EYS: variants seen among roughly 807,000 people sequenced by gnomAD.
EYS encodes protein eyes shut homolog.
A neutral mutation model predicts 282.1 loss-of-function variants in EYS; 250 were observed. That is an observed-to-expected ratio of 0.89 (90% CI 0.80 to 0.98). The LOEUF (loss-of-function observed/expected upper bound fraction) is 0.98, where lower values mean the gene tolerates loss of function less well. Ranked by LOEUF, EYS falls within the 50% of genes least tolerant of loss-of-function variation. The pLI is 0.00. For missense variants in EYS, 4,016 were observed against 3,709.0 expected, an observed-to-expected ratio of 1.08 and a Z score of -2.15; for synonymous variants, 1,355 against 1,282.9, an observed-to-expected ratio of 1.06 and a Z score of -1.20.
At chr6:65,146,801 C>A (rs751690489) in intron 12 of EYS, among the ~76,000 whole-genome samples, 1 of 151,886 alleles carries the variant, frequency 6.6e-6, no homozygotes, top group African/African-American at 2.4e-5. Context: ...AATACTTATT[C>A]TTTTTACCAT....
rs1258188298 is a variant in EYS at position 64,848,720 on chromosome 6, A to G, written c.2993-25898T>C. ...TGGTCTGAGTAATAGTACACAGAAC[A>G]AGTATAGGAGAGAATGATAAATTTA... is the stretch of plus-strand genomic sequence containing the variant. On this transcript the variant is annotated intron_variant, in intron 19 of 42. Transcript: ENST00000503581. 2.0e-5 allele frequency among the ~76,000 whole-genome samples: 3 copies of G among 152,232 alleles called. No homozygotes were observed. In the East Asian group the frequency reaches 5.8e-4, roughly 29 times the overall value.
At chr6:64,377,971 G>A (rs1469142820) in intron 29 of EYS, 8 of 152,074 alleles carry the variant, frequency 5.3e-5, no homozygotes, top group Non-Finnish European at 1.2e-4. Context: ...AGGATTAAAT[G>A]AGCTAATATT....
chr6:65,475,150 T>C (rs1465737769), intron 5 of EYS, among the ~76,000 whole-genome samples: 1 of 151,668 alleles, frequency 6.6e-6, no homozygotes, highest in Non-Finnish European at 1.5e-5. Flanking sequence ...TCAACTGTCA[T>C]ATATATATAT....
At chr6:65,008,136 C>A (rs1398357735) in intron 13 of EYS, among the ~76,000 whole-genome samples, 12 of 152,102 alleles carry the variant, frequency 7.9e-5, no homozygotes, top group Admixed American at 7.9e-4. Context: ...TGCTAACTTG[C>A]GTGCTAGAAG....
chr6:64,921,324 T>A (rs1456134506), intron 15 of EYS, among the ~76,000 whole-genome samples: 1 of 152,164 alleles, frequency 6.6e-6, no homozygotes, highest in Non-Finnish European at 1.5e-5. Flanking sequence ...TATTAAAATT[T>A]AAAATTATAG....
intron 23 of EYS, among the ~76,000 whole-genome samples, chr6:64,622,477 G>T (rs1248551318): frequency 6.6e-6 from 1 of 152,088 alleles, no homozygotes; most frequent in Non-Finnish European, 1.5e-5. Flanking sequence ...CAGACTGTCT[G>T]GTGGGGAAAA....
chr6:63,936,468 A>C (rs1373741914), intron 35 of EYS, among the ~76,000 whole-genome samples: 1 of 152,096 alleles, frequency 6.6e-6, no homozygotes, highest in African/African-American at 2.4e-5. Context: ...TCAGAAGTTT[A>C]GTCTCCCCTA....
chr6:65,472,657 T>A (rs1765257201), intron 5 of EYS, among the ~76,000 whole-genome samples: 1 of 151,850 alleles, frequency 6.6e-6, no homozygotes, highest in South Asian at 2.1e-4. Context: ...ACAGGAAAAA[T>A]TTACAGATGA....
intron 28 of EYS, among the ~76,000 whole-genome samples, chr6:64,432,393 A>T (rs1425278966): frequency 2.0e-5 from 3 of 151,776 alleles, no homozygotes; most frequent in Non-Finnish European, 4.4e-5. Context: ...GCCTAACTTA[A>T]CTCTCTTTTA....
chr6:65,668,122 A>T (rs1201718064), intron 1 of EYS, among the ~76,000 whole-genome samples: 2 of 151,744 alleles, frequency 1.3e-5, no homozygotes, highest in Non-Finnish European at 3.0e-5. Flanking sequence ...CCCTTTGCCC[A>T]CTTTATTTTG....
At position 65,239,149 on chromosome 6, in the gene EYS, A is replaced by C. The variant is rs544796757; in HGVS notation, c.2023+56714T>G. On this transcript the variant is annotated intron_variant, in intron 12 of 42. Coordinates refer to ENST00000503581, the MANE Select transcript of EYS (RefSeq NM_001142800.2). ...TAAAAATTAGTCTGCAGAATGAAAA[A>C]CTCATAGACACAGGCCAAAACAAGA... is the stretch of plus-strand genomic sequence containing the variant. 1.4e-4 allele frequency among the ~76,000 whole-genome samples: 22 copies of C among 151,926 alleles called. 1 individual carries two copies. The South Asian group carries it at 4.6e-3, about 32-fold the overall frequency.
chr6:65,039,569 T>A (rs1361405804), intron 13 of EYS, among the ~76,000 whole-genome samples: 1 of 151,562 alleles, frequency 6.6e-6, no homozygotes, highest in Non-Finnish European at 1.5e-5. Context: ...CTTAACCACA[T>A]TTATTCTTCC....
At chr6:63,999,282 A>G (rs1336757649) in intron 33 of EYS, 99 bp from the exon 34 acceptor site, 1 of 772,910 alleles carries the variant, frequency 1.3e-6, no homozygotes, top group East Asian at 2.7e-5. Context: ...TGAGAGAGGT[A>G]CTTTCTGGAT....
intron 28 of EYS, among the ~76,000 whole-genome samples, chr6:64,423,460 TGTAG>T (rs1231402336): frequency 6.6e-6 from 1 of 152,164 alleles, no homozygotes; most frequent in African/African-American, 2.4e-5. Flanking sequence ...CTGACAGACA[TGTAG>T]TAGGTAGTGT....
chr6:65,055,823 G>A (rs979694488), intron 13 of EYS, among the ~76,000 whole-genome samples: 2 of 151,936 alleles, frequency 1.3e-5, no homozygotes, highest in African/African-American at 2.4e-5. Flanking sequence ...TTATTAACAC[G>A]GCTGTGTATG....
intron 26 of EYS, among the ~76,000 whole-genome samples, chr6:64,444,715 A>G (rs376268402): frequency 9.2e-5 from 14 of 152,306 alleles, no homozygotes; most frequent in East Asian, 3.9e-4. Context: ...GTAATCCCCA[A>G]TGTTGAAGTT....
intron 30 of EYS, among the ~76,000 whole-genome samples, chr6:64,235,213 A>G (rs1582464148): frequency 6.6e-6 from 1 of 150,910 alleles, no homozygotes; most frequent in South Asian, 2.1e-4. Flanking sequence ...AGCATTAGGT[A>G]TATCTCCTAA....
intron 22 of EYS, among the ~76,000 whole-genome samples, chr6:64,659,335 A>C (rs1259838467): frequency 6.0e-5 from 9 of 150,190 alleles, no homozygotes; most frequent in African/African-American, 1.5e-4. Context: ...ACTAGATAAG[A>C]AAGAGCAAAC....
At chr6:65,234,434 T>C (rs1178389423) in intron 12 of EYS, among the ~76,000 whole-genome samples, 1 of 152,228 alleles carries the variant, frequency 6.6e-6, no homozygotes, top group Non-Finnish European at 1.5e-5. Flanking sequence ...GAGGAACTTC[T>C]TCTCTACCAG....
Sources: allele counts gnomAD v4.1 joint callset (sites outside exome capture counted in the v4.1 genomes callset), GRCh38; gene constraint gnomAD v4.1.1; transcripts MANE v1.5; gene names NCBI Gene and HGNC (gene_info 2026-07-23, HGNC 2026-07-21).